FER: variants seen among roughly 807,000 people sequenced by gnomAD.
FER encodes the protein tyrosine-protein kinase Fer.
FER carries 63 observed loss-of-function variants against 111.0 expected under a neutral mutation model. The observed-to-expected ratio is 0.57, with a 90% CI of 0.46 to 0.70. The LOEUF (loss-of-function observed/expected upper bound fraction) is 0.70, where lower values mean the gene tolerates loss of function less well. Among genes scored for constraint, FER ranks in the 30% least tolerant of loss-of-function variants. The probability of loss-of-function intolerance (pLI) is 0.00; values close to 1 mark genes in which losing one functional copy is unlikely to be tolerated. For missense variants in FER, 914 were observed against 954.0 expected (o/e 0.96, Z 0.55); for synonymous variants, 327 against 313.9 (o/e 1.04, Z -0.44).
chr5:108,849,526 C>T (rs1309096397), intron 5 of FER, among the ~76,000 whole-genome samples: 2 of 151,828 alleles, frequency 1.3e-5, no homozygotes, highest in African/African-American at 4.8e-5. Context: ...TAGGTTTTGC[C>T]TCCTCAAGTA....
intron 13 of FER, among the ~76,000 whole-genome samples, chr5:108,991,375 G>A (rs1052993899): frequency 3.3e-5 from 5 of 151,974 alleles, no homozygotes; most frequent in African/African-American, 7.2e-5. Flanking sequence ...TATAGACAAT[G>A]AAGTGTCACG....
chr5:109,114,111 G>C (rs1247372092), intron 17 of FER, among the ~76,000 whole-genome samples: 2 of 152,102 alleles, frequency 1.3e-5, no homozygotes, highest in African/African-American at 2.4e-5. Context: ...TATATTGGAA[G>C]TGATGGGTAC....
Position 109,189,601 on chromosome 5 carries a change from A to T in FER, c.*2026A>T, listed in dbSNP as rs1759227548. 6.6e-6 allele frequency: 1 copy of T among 152,234 alleles called. No homozygotes were observed. Among genetic ancestry groups the T allele is most frequent in the South Asian group, 2.1e-4 (1 of 4,830 alleles). 9.4% of individuals were successfully genotyped at this position (152,234 alleles called of 1,614,324 possible). A position where few individuals can be genotyped will look rare whatever the true frequency, so the allele number is the denominator to read the frequency against. Reference sequence around the variant, plus strand: ...AGCGCAAACTCAGAAGTGCTATGGTATTGAGGCACTTACCAACCTTCAAAA... The same window carrying T: ...AGCGCAAACTCAGAAGTGCTATGGTTTTGAGGCACTTACCAACCTTCAAAA... On this transcript the variant is annotated 3_prime_UTR_variant, in exon 20 of 20. Transcript: ENST00000281092.
Position 109,187,731 on chromosome 5 carries a change from T to A in FER, c.*156T>A. On this transcript the variant is annotated 3_prime_UTR_variant, in exon 20 of 20. Transcript: ENST00000281092. ...GTGTTTTAAAAGTACGTTCCACTTGTAAAAAGTCAAAGGCAAATTTGTTAA... is the reference window on the plus strand; with the variant it reads ...GTGTTTTAAAAGTACGTTCCACTTGAAAAAAGTCAAAGGCAAATTTGTTAA... 1.0e-6 allele frequency: 1 copy of A among 993,122 alleles called. No homozygotes were observed. Among genetic ancestry groups the A allele is most frequent in the Non-Finnish European group, 1.4e-6 (1 of 690,820 alleles). 61.5% of individuals were successfully genotyped at this position (993,122 alleles called of 1,614,324 possible). A position where few individuals can be genotyped will look rare whatever the true frequency, so the allele number is the denominator to read the frequency against.
chr5:108,969,654 TTAA>T (rs1760372380), intron 13 of FER, among the ~76,000 whole-genome samples: 1 of 147,668 alleles, frequency 6.8e-6, no homozygotes, highest in African/African-American at 2.7e-5. Context: ...AAAGGTAAGA[TTAA>T]GAAATATTGA....
intron 16 of FER, among the ~76,000 whole-genome samples, chr5:109,069,977 C>G (rs919711644): frequency 4.6e-5 from 7 of 152,084 alleles, no homozygotes; most frequent in Admixed American, 1.3e-4. Context: ...TTGAACAATT[C>G]TAAGATTGTA....
Position 108,883,526 on chromosome 5 carries a change from A to C in FER, c.1046+8A>C, listed in dbSNP as rs1561559214. 6.4e-7 allele frequency: 1 copy of C among 1,567,632 alleles called. No individual in the cohort carries two copies. Among genetic ancestry groups the C allele is most frequent in the African/African-American group, 1.4e-5 (1 of 72,808 alleles). ...TTGTGAGAAGAAGTCTGAGTGAGTA[A>C]AAGAGAAACAATTTGAAGGAAGAAT... On this transcript the variant is annotated splice_region_variant and intron_variant, in intron 9 of 19. Transcript: ENST00000281092.
chr5:109,002,940 G>A (rs1764995908), intron 13 of FER, among the ~76,000 whole-genome samples: 1 of 152,172 alleles, frequency 6.6e-6, no homozygotes, highest in Non-Finnish European at 1.5e-5. Context: ...AGTTAGAATG[G>A]CGATCATTAA....
chr5:108,887,368 C>A (rs536252719), intron 9 of FER, among the ~76,000 whole-genome samples: 2 of 151,556 alleles, frequency 1.3e-5, no homozygotes, highest in East Asian at 1.9e-4. Context: ...CATTTGATGG[C>A]TTTGATTCCT....
chr5:108,951,309 A>G (rs77141101), intron 11 of FER, among the ~76,000 whole-genome samples: 153 of 152,150 alleles, frequency 1.0e-3, no homozygotes, highest in African/African-American at 3.3e-3. Context: ...GGGCCTCACT[A>G]TGTTGTCCAG....
chr5:109,014,347 C>G (rs1766730409), intron 13 of FER, among the ~76,000 whole-genome samples: 1 of 152,172 alleles, frequency 6.6e-6, no homozygotes, highest in Non-Finnish European at 1.5e-5. Context: ...GGAATCCTTT[C>G]CCCATTGTTG....
chr5:109,056,462 G>A (rs369470645), intron 16 of FER, among the ~76,000 whole-genome samples: 287 of 152,108 alleles, frequency 1.9e-3, no homozygotes, highest in African/African-American at 6.5e-3. Context: ...AGTGAAATAA[G>A]CCAGACACAG....
intron 13 of FER, among the ~76,000 whole-genome samples, chr5:108,999,430 A>G (rs1015088577): frequency 5.3e-5 from 8 of 152,262 alleles, no homozygotes; most frequent in African/African-American, 1.9e-4. Context: ...AACACAATTC[A>G]TACATTTTTC....
At chr5:108,953,063 C>G (rs988288658) in intron 11 of FER, among the ~76,000 whole-genome samples, 2 of 151,852 alleles carry the variant, frequency 1.3e-5, no homozygotes, top group Non-Finnish European at 2.9e-5. Context: ...AGAATTTACT[C>G]TAATTAGATG....
chr5:108,763,537 T>A (rs1176310290), intron 1 of FER, among the ~76,000 whole-genome samples: 1 of 152,190 alleles, frequency 6.6e-6, no homozygotes, highest in Non-Finnish European at 1.5e-5. Context: ...ATTAAACACA[T>A]CGCTTCCAGA....
intron 16 of FER, among the ~76,000 whole-genome samples, chr5:109,077,063 G>A (rs1776428457): frequency 6.6e-6 from 1 of 152,136 alleles, no homozygotes; most frequent in Non-Finnish European, 1.5e-5. Flanking sequence ...CATCATAAAT[G>A]TCAGCTACCT....
At chr5:108,848,811 A>C (rs1474400506) in intron 5 of FER, among the ~76,000 whole-genome samples, 1 of 151,968 alleles carries the variant, frequency 6.6e-6, no homozygotes, top group African/African-American at 2.4e-5. Flanking sequence ...GTATCATTTT[A>C]CTTTTGCCTG....
At chr5:108,919,466 A>T (rs886832700) in intron 10 of FER, among the ~76,000 whole-genome samples, 2 of 152,138 alleles carry the variant, frequency 1.3e-5, no homozygotes, top group African/African-American at 4.8e-5. Context: ...TCTTTGAGAG[A>T]TACTTAATTT....
chr5:109,170,587 A>C (rs866415536), intron 17 of FER, among the ~76,000 whole-genome samples: 2 of 152,184 alleles, frequency 1.3e-5, no homozygotes, highest in Non-Finnish European at 2.9e-5. Context: ...TAGGGATAAT[A>C]GGTTAAGTTC....
Sources: allele counts gnomAD v4.1 joint callset (sites outside exome capture counted in the v4.1 genomes callset), GRCh38; gene constraint gnomAD v4.1.1; transcripts MANE v1.5; gene names NCBI Gene and HGNC (gene_info 2026-07-23, HGNC 2026-07-21).